The following SWAP70 variants were observed in gnomAD, a reference collection of about 807,000 sequenced individuals.
SWAP70 encodes switch-associated protein 70.
A neutral mutation model predicts 80.2 loss-of-function variants in SWAP70; 34 were observed. The ratio of observed to expected loss-of-function variants is 0.42; its 90% CI spans 0.32 to 0.56. The LOEUF is 0.56. Among genes scored for constraint, SWAP70 ranks in the 20% least tolerant of loss-of-function variants. The pLI is 0.09. For synonymous variants in SWAP70, 239 were observed against 238.5 expected, an observed-to-expected ratio of 1.00 and a Z score of -0.02; for missense variants, 578 against 690.7, an observed-to-expected ratio of 0.84 and a Z score of 1.83.
At chr11:9,719,480 G>A (rs1160752159) in intron 3 of SWAP70, among the ~76,000 whole-genome samples, 1 of 152,062 alleles carries the variant, frequency 6.6e-6, no homozygotes, top group African/African-American at 2.4e-5. Flanking sequence ...CCCAGGAGGT[G>A]GAGGTTGCAG....
At chr11:9,739,036 A>C (rs1477277800) in intron 8 of SWAP70, among the ~76,000 whole-genome samples, 2 of 152,198 alleles carry the variant, frequency 1.3e-5, no homozygotes, top group African/African-American at 2.4e-5. Context: ...GGAAAAAGTA[A>C]GCATAGGTTC....
chr11:9,713,382 G>T, intron 2 of SWAP70, 84 bp from the exon 3 acceptor site: 8 of 1,362,382 alleles, frequency 5.9e-6, no homozygotes, highest in Non-Finnish European at 7.9e-6. Flanking sequence ...GGAGCCAAAG[G>T]AGGCTTTGTC....
chr11:9,725,052 T>C, intron 4 of SWAP70, 167 bp downstream of exon 4: 3 of 584,936 alleles, frequency 5.1e-6, no homozygotes, highest in Non-Finnish European at 8.9e-6. Flanking sequence ...CAGTCTGGAG[T>C]GCAGTGACGT....
chr11:9,682,876 C>G (rs1850585209), intron 1 of SWAP70, among the ~76,000 whole-genome samples: 1 of 152,114 alleles, frequency 6.6e-6, no homozygotes, highest in African/African-American at 2.4e-5. Context: ...AGGGTTTTTG[C>G]CATGTTGGCA....
In SWAP70 at chr11:9,752,164, G is replaced by A. The variant is rs1412212758; in HGVS notation, c.*2194G>A. On this transcript the variant is annotated 3_prime_UTR_variant, in exon 12 of 12. Coordinates refer to ENST00000318950, the MANE Select transcript of SWAP70 (RefSeq NM_015055.4). ...GTCTCTGCATGGTGGGGAGGATCATGATGGAATATGTGAATTTCTACTTCT... is the reference window on the plus strand; with the variant it reads ...GTCTCTGCATGGTGGGGAGGATCATAATGGAATATGTGAATTTCTACTTCT... 1 of 152,262 alleles carries A rather than the reference G, an allele frequency of 6.6e-6. No homozygotes were observed. The highest frequency in any genetic ancestry group is 2.4e-5 in the African/African-American group (1 of 41,464). 9.4% of individuals were successfully genotyped at this position (152,262 alleles called of 1,614,324 possible).
intron 1 of SWAP70, chr11:9,681,038 G>T: frequency 6.3e-6 from 1 of 158,142 alleles, no homozygotes. Flanking sequence ...CTCCATGTGC[G>T]TCCCTCCCAA....
intron 2 of SWAP70, among the ~76,000 whole-genome samples, chr11:9,712,368 CTG>C (rs148511814): frequency 0.012 from 1,843 of 152,176 alleles, 43 homozygotes; most frequent in African/African-American, 0.042. Context: ...CCCTAATAAA[CTG>C]TGAACATTTT....
chr11:9,685,481 G>C (rs945276485), intron 1 of SWAP70, among the ~76,000 whole-genome samples: 1 of 152,098 alleles, frequency 6.6e-6, no homozygotes, highest in African/African-American at 2.4e-5. Flanking sequence ...CTTGCTGTCT[G>C]CTCCCAAGAT....
chr11:9,742,543 G>C (rs1280203786), intron 9 of SWAP70, among the ~76,000 whole-genome samples: 1 of 152,046 alleles, frequency 6.6e-6, no homozygotes, highest in Non-Finnish European at 1.5e-5. Context: ...TGCCATGTTG[G>C]CCAGGATGGA....
chr11:9,711,152 C>T (rs775973514), intron 2 of SWAP70, among the ~76,000 whole-genome samples: 1 of 151,928 alleles, frequency 6.6e-6, no homozygotes, highest in African/African-American at 2.4e-5. Context: ...AAACTTCTAG[C>T]CTTAAGCAGT....
chr11:9,734,585 C>G (rs1851340410), intron 7 of SWAP70, among the ~76,000 whole-genome samples: 3 of 152,130 alleles, frequency 2.0e-5, no homozygotes, highest in Admixed American at 1.3e-4. Context: ...AAACACAGTT[C>G]TCCAATTTTT....
rs779744344 is a variant in SWAP70 at position 9,748,066 on chromosome 11, C to G, written c.1554+10C>G. On this transcript the variant is annotated intron_variant, in intron 10 of 11. Coordinates refer to ENST00000318950, the MANE Select transcript of SWAP70 (RefSeq NM_015055.4). ...ACTTGAGCAGTACGAGGTAATGAGA[C>G]TTGGCCCTGCAAACTTGTATATTTA... 5 of 1,610,666 alleles carry G rather than the reference C, an allele frequency of 3.1e-6. No individual in the cohort carries two copies. The highest frequency in any genetic ancestry group is 1.3e-5 in the African/African-American group (1 of 74,948).
chr11:9,746,858 TAAC>T (rs992530656), intron 9 of SWAP70, among the ~76,000 whole-genome samples: 7 of 152,256 alleles, frequency 4.6e-5, no homozygotes, highest in Non-Finnish European at 8.8e-5. Context: ...CTGAGTTGAA[TAAC>T]AACCTTGCAG....
At chr11:9,707,874 A>T (rs919842571) in intron 2 of SWAP70, among the ~76,000 whole-genome samples, 9 of 146,670 alleles carry the variant, frequency 6.1e-5, no homozygotes, top group Admixed American at 4.7e-4. Flanking sequence ...CTTTTAAAAA[A>T]TTTAAAAAAA....
At chr11:9,680,476 C>T (rs1020380689) in intron 1 of SWAP70, among the ~76,000 whole-genome samples, 7 of 152,148 alleles carry the variant, frequency 4.6e-5, no homozygotes, top group African/African-American at 1.7e-4. Flanking sequence ...AATGTAATGG[C>T]ATGATCTTGG....
intron 1 of SWAP70, among the ~76,000 whole-genome samples, chr11:9,678,716 G>A (rs913846428): frequency 9.9e-5 from 15 of 151,814 alleles, no homozygotes; most frequent in African/African-American, 3.6e-4. Flanking sequence ...GGCTTTAGGC[G>A]ACCTTCTCCC....
At chr11:9,724,942 T>A in intron 4 of SWAP70, 57 bp downstream of exon 4, 1 of 1,231,740 alleles carries the variant, frequency 8.1e-7, no homozygotes, top group Non-Finnish European at 1.2e-6. Context: ...ATTTTAAAAT[T>A]AATATTTTTG....
intron 1 of SWAP70, among the ~76,000 whole-genome samples, chr11:9,692,040 C>G (rs1435583176): frequency 6.6e-6 from 1 of 152,050 alleles, no homozygotes; most frequent in Non-Finnish European, 1.5e-5. Context: ...ACTATTTCTC[C>G]TTTTCTGAAC....
At chr11:9,684,597 A>C (rs376747513) in intron 1 of SWAP70, among the ~76,000 whole-genome samples, 1 of 152,138 alleles carries the variant, frequency 6.6e-6, no homozygotes, top group African/African-American at 2.4e-5. Context: ...GGACTTCTCT[A>C]CTAGATCTCA....
Sources: gnomAD v4.1 joint callset for allele counts (sites outside exome capture counted in the v4.1 genomes callset) on GRCh38, gnomAD v4.1.1 for gene constraint, MANE v1.5 for transcripts, NCBI Gene and HGNC (gene_info 2026-07-23, HGNC 2026-07-21) for gene names.